R3HDM1: variants seen among roughly 807,000 people sequenced by gnomAD.
R3HDM1 encodes the protein R3H domain containing 1.
In R3HDM1, 46 loss-of-function variants were observed where a neutral mutation model predicts 141.1. The ratio of observed to expected loss-of-function variants is 0.33; its 90% CI spans 0.26 to 0.42. The LOEUF is 0.42. Among genes scored for constraint, R3HDM1 ranks in the 10% least tolerant of loss-of-function variants. R3HDM1 has a pLI of 1.00. For synonymous variants in R3HDM1, 435 were observed against 472.9 expected (o/e 0.92, Z 1.04); for missense variants, 1,184 against 1,368.3 (o/e 0.87, Z 2.12).
chr2:135,577,023 C>T (rs1573998089), intron 1 of R3HDM1: 1 of 743,912 alleles, frequency 1.3e-6, no homozygotes, highest in African/African-American at 2.0e-5. Context: ...AAATTATATC[C>T]AATAATTAGC....
At chr2:135,714,790 CAG>C (rs375509290) in intron 23 of R3HDM1, among the ~76,000 whole-genome samples, 2 of 151,620 alleles carry the variant, frequency 1.3e-5, no homozygotes, top group African/African-American at 2.4e-5. Flanking sequence ...CACACACACA[CAG>C]AGAAAGCAGT....
intron 6 of R3HDM1, chr2:135,621,954 C>T (rs1321172905): frequency 1.0e-6 from 1 of 982,968 alleles, no homozygotes; most frequent in Admixed American, 6.2e-5. Context: ...GAGCTGATGT[C>T]ATAATATTGA....
chr2:135,550,425 T>G (rs1699613679), intron 1 of R3HDM1, among the ~76,000 whole-genome samples: 2 of 152,252 alleles, frequency 1.3e-5, no homozygotes, highest in African/African-American at 4.8e-5. Context: ...GAGAATTGAC[T>G]TAAATGTTAA....
At chr2:135,699,889 A>G (rs1232126262) in intron 21 of R3HDM1, among the ~76,000 whole-genome samples, 1 of 152,346 alleles carries the variant, frequency 6.6e-6, no homozygotes, top group East Asian at 1.9e-4. Flanking sequence ...CTTACCAGCA[A>G]TCCAAAAAAT....
Position 135,589,122 on chromosome 2 carries a change from C to T in R3HDM1, c.-249-13378C>T, listed in dbSNP as rs149292981. ...ATTATATTGTTTTCATTTTGTAAAGCAGATTAAAATACCATTTGATTCAAG... is the reference window on the plus strand; with the variant it reads ...ATTATATTGTTTTCATTTTGTAAAGTAGATTAAAATACCATTTGATTCAAG... On this transcript the variant is annotated intron_variant, in intron 1 of 26. Coordinates refer to ENST00000683871, the MANE Select transcript of R3HDM1 (RefSeq NM_001378107.1). 1.4e-3 allele frequency among the ~76,000 whole-genome samples: 211 copies of T among 152,110 alleles called. 1 individual carries two copies. The highest frequency in any genetic ancestry group is 0.014 in the Middle Eastern group (4 of 294).
chr2:135,707,480 TA>T (rs1383943075), intron 21 of R3HDM1, among the ~76,000 whole-genome samples: 4 of 152,350 alleles, frequency 2.6e-5, no homozygotes, highest in African/African-American at 9.6e-5. Flanking sequence ...ACGGGTAATC[TA>T]GTGCTAGAAA....
chr2:135,597,164 C>T (rs1229977197), intron 1 of R3HDM1: 2 of 976,104 alleles, frequency 2.0e-6, no homozygotes, highest in African/African-American at 3.5e-5. Context: ...AAAAGTCTTT[C>T]CTTCTTGCTT....
intron 25 of R3HDM1, 68 bp downstream of exon 25, chr2:135,722,074 C>A: frequency 2.1e-6 from 3 of 1,461,760 alleles, no homozygotes; most frequent in Non-Finnish European, 2.9e-6. Flanking sequence ...GTGTAAGGGG[C>A]AACCCTGAGC....
chr2:135,655,302 G>A (rs1338350608), intron 18 of R3HDM1, among the ~76,000 whole-genome samples: 1 of 151,934 alleles, frequency 6.6e-6, no homozygotes, highest in African/African-American at 2.4e-5. Context: ...AATAACCTTG[G>A]AATCCTTGTC....
Position 135,702,566 on chromosome 2 carries a change from G to A in R3HDM1, c.2460-6867G>A, listed in dbSNP as rs556619138. Among the ~76,000 whole-genome samples, 7 of 151,036 alleles carry A rather than the reference G, an allele frequency of 4.6e-5. No homozygotes were observed. In the East Asian group the frequency reaches 7.8e-4, roughly 17 times the overall value. On this transcript the variant is annotated intron_variant, in intron 21 of 26. Transcript: ENST00000683871. ...GTCCCAGCTACAGCAGGAAAATGGC[G>A]TGAACCCAGGAGGGCAGAGCTTGCA...
intron 20 of R3HDM1, among the ~76,000 whole-genome samples, chr2:135,675,702 A>G (rs2069074683): frequency 2.0e-5 from 3 of 152,122 alleles, no homozygotes; most frequent in Admixed American, 2.0e-4. Flanking sequence ...ATTTTATTGC[A>G]TTATTCATTT....
chr2:135,603,216 T>C (rs903374834), intron 2 of R3HDM1, among the ~76,000 whole-genome samples: 5 of 152,104 alleles, frequency 3.3e-5, no homozygotes, highest in African/African-American at 1.2e-4. Context: ...TCTCAAACTC[T>C]TGGCCTCAAG....
intron 18 of R3HDM1, among the ~76,000 whole-genome samples, chr2:135,657,403 T>A (rs2066054869): frequency 6.9e-6 from 1 of 145,518 alleles, no homozygotes; most frequent in Non-Finnish European, 1.5e-5. Flanking sequence ...AGAGCAATAC[T>A]CTGTCTCAAA....
At chr2:135,556,086 G>A (rs1483941564) in intron 1 of R3HDM1, among the ~76,000 whole-genome samples, 1 of 152,128 alleles carries the variant, frequency 6.6e-6, no homozygotes, top group East Asian at 1.9e-4. Context: ...AATGAACCTT[G>A]AAAACATGCT....
In R3HDM1 at chr2:135,710,112, C is replaced by G. The variant is rs374231545; in HGVS notation, c.2617C>G (p.Pro873Ala). ...GATGGTGATGATGCAGCTCAGTGTA[C>G]CAAACAATCCACAATCTTGTGCCCA... ...GGMVMMQLSV[P>A]NNPQSCAHSP... is the part of the protein sequence containing the mutation. The change falls in exon 23 of 27, where the codon CCA (proline) becomes GCA (alanine). Residue 873 changes from proline to alanine, a missense_variant. By Grantham distance (27) the Pro-to-Ala change is conservative. Transcript: ENST00000683871. The G allele has an allele frequency of 6.2e-6, 10 of 1,614,022 alleles. No homozygotes were observed. The African/African-American group carries it at 1.3e-4, about 22-fold the overall frequency.
intron 15 of R3HDM1, among the ~76,000 whole-genome samples, chr2:135,643,855 G>A (rs542836406): frequency 2.6e-5 from 4 of 152,276 alleles, no homozygotes; most frequent in South Asian, 2.1e-4. Flanking sequence ...GCAAACTAAC[G>A]CAGGAACAGA....
intron 1 of R3HDM1, among the ~76,000 whole-genome samples, chr2:135,578,088 G>A (rs1705913353): frequency 6.6e-6 from 1 of 152,142 alleles, no homozygotes; most frequent in Admixed American, 6.5e-5. Context: ...CATTTTAGGA[G>A]TGTTTGTAAT....
At chr2:135,623,108 C>T (rs2061661058) in intron 7 of R3HDM1, 1 of 910,200 alleles carries the variant, frequency 1.1e-6, no homozygotes, top group East Asian at 1.2e-4. Flanking sequence ...TTTTTAAATG[C>T]AAAGTTTTTG....
chr2:135,707,188 C>T (rs1442221824), intron 21 of R3HDM1, among the ~76,000 whole-genome samples: 1 of 152,248 alleles, frequency 6.6e-6, no homozygotes, highest in African/African-American at 2.4e-5. Flanking sequence ...TGGTGCTTTA[C>T]TTTAAAAGTC....
Sources: allele counts gnomAD v4.1 joint callset (sites outside exome capture counted in the v4.1 genomes callset), GRCh38; gene constraint gnomAD v4.1.1; transcripts MANE v1.5; gene names NCBI Gene and HGNC (gene_info 2026-07-23, HGNC 2026-07-21).